The following SPAG16 variants were observed in gnomAD, a reference collection of about 807,000 sequenced individuals.
SPAG16 encodes the protein sperm associated antigen 16.
In SPAG16, 86 loss-of-function variants were observed where a neutral mutation model predicts 80.4. The ratio of observed to expected loss-of-function variants is 1.07; its 90% confidence interval spans 0.90 to 1.28. The LOEUF (loss-of-function observed/expected upper bound fraction) is 1.28, where lower values mean the gene tolerates loss of function less well. Among genes scored for constraint, SPAG16 ranks in the 50% most tolerant of loss-of-function variants. The pLI, the probability that SPAG16 is intolerant of heterozygous loss-of-function variation, is 0.00. For synonymous variants in SPAG16, 294 were observed against 265.9 expected, an observed-to-expected ratio of 1.11 and a Z score of -1.03; for missense variants, 870 against 765.3, an observed-to-expected ratio of 1.14 and a Z score of -1.61.
intron 7 of SPAG16, among the ~76,000 whole-genome samples, chr2:213,357,909 C>G (rs2065757232): frequency 2.0e-5 from 3 of 152,118 alleles, no homozygotes; most frequent in Admixed American, 1.3e-4. Flanking sequence ...TGTTCCTTTC[C>G]ATGTTTAGTG....
intron 15 of SPAG16, among the ~76,000 whole-genome samples, chr2:214,356,153 A>G (rs1410380983): frequency 6.6e-6 from 1 of 151,992 alleles, no homozygotes; most frequent in East Asian, 1.9e-4. Flanking sequence ...ACTAACCTGC[A>G]CATTGTGCAC....
chr2:213,965,220 C>T (rs1483320311), intron 12 of SPAG16, among the ~76,000 whole-genome samples: 1 of 152,146 alleles, frequency 6.6e-6, no homozygotes, highest in African/African-American at 2.4e-5. Flanking sequence ...ACAATCTCTC[C>T]CCCAAATGAC....
chr2:213,903,089 T>A (rs1310824251), intron 11 of SPAG16, among the ~76,000 whole-genome samples: 2 of 152,190 alleles, frequency 1.3e-5, no homozygotes, highest in Non-Finnish European at 2.9e-5. Flanking sequence ...TCCTGGCTGC[T>A]TTCACAGGCT....
At chr2:213,722,897 T>C (rs941692278) in intron 10 of SPAG16, among the ~76,000 whole-genome samples, 5 of 152,176 alleles carry the variant, frequency 3.3e-5, no homozygotes, top group Admixed American at 1.3e-4. Context: ...TTGATTTTTA[T>C]TTCTAAGCCT....
intron 12 of SPAG16, among the ~76,000 whole-genome samples, chr2:213,998,554 A>G: frequency 6.6e-6 from 1 of 152,180 alleles, no homozygotes; most frequent in Admixed American, 6.5e-5. Context: ...TATCAGCAGC[A>G]TGGAAACAGA....
intron 10 of SPAG16, among the ~76,000 whole-genome samples, chr2:213,638,873 A>G (rs988540554): frequency 1.2e-4 from 18 of 152,098 alleles, no homozygotes; most frequent in Non-Finnish European, 2.9e-5. Context: ...TGTGTTATCT[A>G]TCTCATTTCT....
At chr2:213,584,368 A>G (rs1316774664) in intron 10 of SPAG16, among the ~76,000 whole-genome samples, 1 of 152,178 alleles carries the variant, frequency 6.6e-6, no homozygotes, top group African/African-American at 2.4e-5. Context: ...TGATGACTTG[A>G]AAAGAAAATG....
At chr2:214,330,360 G>T (rs1696829682) in intron 15 of SPAG16, among the ~76,000 whole-genome samples, 1 of 152,002 alleles carries the variant, frequency 6.6e-6, no homozygotes, top group South Asian at 2.1e-4. Context: ...CATAGGAATA[G>T]AATTGAAGAA....
At chr2:213,845,938 A>G (rs1433673391) in intron 10 of SPAG16, among the ~76,000 whole-genome samples, 1 of 152,196 alleles carries the variant, frequency 6.6e-6, no homozygotes. Flanking sequence ...TCATGATGAA[A>G]GTGGGGTTGG....
At chr2:213,319,755 A>G (rs1345203465) in intron 5 of SPAG16, among the ~76,000 whole-genome samples, 1 of 151,992 alleles carries the variant, frequency 6.6e-6, no homozygotes, top group Non-Finnish European at 1.5e-5. Flanking sequence ...TTGAATAGTC[A>G]TTGTCAAGTA....
chr2:213,957,858 A>G (rs1306028078), intron 12 of SPAG16, among the ~76,000 whole-genome samples: 1 of 152,102 alleles, frequency 6.6e-6, no homozygotes, highest in Non-Finnish European at 1.5e-5. Flanking sequence ...GTGATTTTCT[A>G]ATTTTTTGTC....
chr2:214,184,489 C>CA lies in SPAG16; in HGVS notation c.1720+35231dup, dbSNP rs139466202. On this transcript the variant is annotated intron_variant, in intron 15 of 15. Transcript: ENST00000331683. Reference sequence around the variant, plus strand: ...TGATTTGTTTTGCTTTAAATGACAGCAAAAAAAAGACATTTCTTTTGTCAC... The same window carrying CA: ...TGATTTGTTTTGCTTTAAATGACAGCAAAAAAAAAGACATTTCTTTTGTCAC... Among the ~76,000 whole-genome samples, 42 of 151,462 alleles carry CA rather than the reference C, an allele frequency of 2.8e-4. 1 individual carries two copies. The highest frequency in any genetic ancestry group is 3.9e-4 in the East Asian group (2 of 5,156).
intron 15 of SPAG16, among the ~76,000 whole-genome samples, chr2:214,295,764 C>A (rs546307970): frequency 5.2e-4 from 79 of 152,130 alleles, no homozygotes; most frequent in African/African-American, 1.8e-3. Context: ...GAATTCCAGC[C>A]TGGGCCACAG....
chr2:214,105,360 T>C (rs2125394483), intron 13 of SPAG16, among the ~76,000 whole-genome samples: 1 of 152,316 alleles, frequency 6.6e-6, no homozygotes, highest in African/African-American at 2.4e-5. Context: ...AGGCCCTTAC[T>C]CTGTGCTAGG....
At chr2:213,764,015 C>G (rs900365264) in intron 10 of SPAG16, among the ~76,000 whole-genome samples, 2 of 152,164 alleles carry the variant, frequency 1.3e-5, no homozygotes, top group African/African-American at 2.4e-5. Context: ...ATTTCCATAG[C>G]TCTCTCTTTT....
chr2:213,306,459 A>G (rs1014794365), intron 3 of SPAG16, among the ~76,000 whole-genome samples: 2 of 23,640 alleles, frequency 8.5e-5, no homozygotes, highest in South Asian at 3.1e-3. Context: ...CCTGGCTGGT[A>G]TCTCACTAAG....
intron 10 of SPAG16, among the ~76,000 whole-genome samples, chr2:213,708,413 T>C (rs971932212): frequency 6.6e-6 from 1 of 152,150 alleles, no homozygotes; most frequent in African/African-American, 2.4e-5. Context: ...TTTAAAAGTA[T>C]TGGGGTGGCC....
intron 10 of SPAG16, among the ~76,000 whole-genome samples, chr2:213,752,174 A>ATTCCGTTGATT (rs1247137874): frequency 6.6e-6 from 1 of 151,988 alleles, no homozygotes. Flanking sequence ...TGCGAGACAT[A>ATTCCGTTGATT]TTCCGTTGAT....
chr2:214,299,187 T>C (rs754031377), intron 15 of SPAG16, among the ~76,000 whole-genome samples: 27 of 149,160 alleles, frequency 1.8e-4, no homozygotes, highest in African/African-American at 5.9e-4. Context: ...TGTAGACAAA[T>C]AGTAAAAGTC....
Sources: allele counts gnomAD v4.1 joint callset (sites outside exome capture counted in the v4.1 genomes callset), GRCh38; gene constraint gnomAD v4.1.1; transcripts MANE v1.5; gene names NCBI Gene and HGNC (gene_info 2026-07-23, HGNC 2026-07-21).